The following GPAT3 variants were observed in gnomAD, a reference collection of about 807,000 sequenced individuals.
The protein encoded by GPAT3 is 1-AGP acyltransferase 9.
In GPAT3, 53 loss-of-function variants were observed where a neutral mutation model predicts 58.8. That is an observed-to-expected ratio of 0.90 (90% CI 0.72 to 1.13). The LOEUF (loss-of-function observed/expected upper bound fraction) is 1.13. GPAT3 is among the 50% of genes most tolerant of loss of function. The pLI, the probability that GPAT3 is intolerant of heterozygous loss-of-function variation, is 0.00. For missense variants in GPAT3, 511 were observed against 527.6 expected (o/e 0.97, Z 0.31); for synonymous variants, 197 against 187.4 (o/e 1.05, Z -0.42).
At chr4:83,581,944 G>A (rs1326777152) in intron 3 of GPAT3, 112 bp downstream of exon 3, 53 of 1,391,342 alleles carry the variant, frequency 3.8e-5, no homozygotes, top group Admixed American at 9.1e-5. Flanking sequence ...CCATTCCCAC[G>A]TAGGAAATGC....
chr4:83,562,179 TTATATATATATATATATATAA>T (rs1273391488), intron 2 of GPAT3, among the ~76,000 whole-genome samples: 1,293 of 86,146 alleles, frequency 0.015, 20 homozygotes, highest in Middle Eastern at 0.025. Context: ...ATTTTATATA[TTATATATATATATATATATAA>T]TATATATATA....
At chr4:83,568,355 A>G (rs1725480117) in intron 2 of GPAT3, among the ~76,000 whole-genome samples, 1 of 152,166 alleles carries the variant, frequency 6.6e-6, no homozygotes, top group Non-Finnish European at 1.5e-5. Context: ...CATGTATATT[A>G]AAGGTCATCA....
intron 3 of GPAT3, among the ~76,000 whole-genome samples, chr4:83,583,476 T>C (rs1726242782): frequency 6.6e-6 from 1 of 151,478 alleles, no homozygotes; most frequent in African/African-American, 2.4e-5. Context: ...TCGACTGGCC[T>C]GGACAACATG....
intron 2 of GPAT3, among the ~76,000 whole-genome samples, chr4:83,547,529 G>A (rs530653852): frequency 1.3e-5 from 2 of 152,140 alleles, no homozygotes; most frequent in African/African-American, 4.8e-5. Context: ...TGGGATTACA[G>A]GCGTGAGCTA....
rs1726373155 is a variant in GPAT3 at position 83,586,290 on chromosome 4, C to T, written c.480-965C>T. Among the ~76,000 whole-genome samples the T allele has an allele frequency of 2.0e-5, 3 of 152,066 alleles. No homozygotes were observed. The South Asian group carries it at 6.2e-4, about 32-fold the overall frequency. ...CGTGTCAGCAGTAAATGAGCTTCAC[C>T]CTGGAGAGGGTTACTGTTCCTGACC... On this transcript the variant is annotated intron_variant, in intron 3 of 11. Coordinates refer to ENST00000264409, the MANE Select transcript of GPAT3 (RefSeq NM_032717.5).
intron 2 of GPAT3, among the ~76,000 whole-genome samples, chr4:83,573,188 G>A (rs1725665802): frequency 6.6e-6 from 1 of 152,112 alleles, no homozygotes; most frequent in Non-Finnish European, 1.5e-5. Context: ...AGGCTGGAGT[G>A]CAGTGGCGTG....
At position 83,598,162 on chromosome 4, in the gene GPAT3, C is replaced by T. The variant is rs950153649; in HGVS notation, c.1108C>T (p.Pro370Ser). The T allele has an allele frequency of 1.5e-5, 24 of 1,612,372 alleles. No homozygotes were observed. Among genetic ancestry groups the T allele is most frequent in the African/African-American group, 4.0e-5 (3 of 74,746 alleles). Reference sequence around the variant, plus strand: ...CATCGTCTGTGACGTGTGGTACATGCCCCCCATGACCAGAGAGGTATTCCT... The same window carrying T: ...CATCGTCTGTGACGTGTGGTACATGTCCCCCATGACCAGAGAGGTATTCCT... ...WAIVCDVWYM[P>S]PMTREEGEDA... Residue 370 changes from proline to serine, a missense_variant, in exon 10 of 12, where the codon CCC (proline) becomes TCC (serine). Transcript: ENST00000264409.
At chr4:83,604,625 C>A in intron 11 of GPAT3, 43 bp from the exon 12 acceptor site, 2 of 1,500,720 alleles carry the variant, frequency 1.3e-6, no homozygotes, top group Non-Finnish European at 1.8e-6. Context: ...TTTTAAATCA[C>A]CGCTGTAAAG....
chr4:83,546,308 A>G (rs1724507385), intron 2 of GPAT3, among the ~76,000 whole-genome samples: 1 of 151,956 alleles, frequency 6.6e-6, no homozygotes, highest in Admixed American at 6.6e-5. Context: ...TAAAGGACAC[A>G]AAGTATTTCA....
upstream of GPAT3, chr4:83,536,026 A>T (rs1724064278): frequency 1.0e-6 from 1 of 985,314 alleles, no homozygotes; most frequent in Admixed American, 6.1e-5. Context: ...AAGTACTGCC[A>T]GGGAGCTCCC....
At chr4:83,592,516 G>A (rs545945564) in intron 6 of GPAT3, among the ~76,000 whole-genome samples, 2 of 152,246 alleles carry the variant, frequency 1.3e-5, no homozygotes, top group African/African-American at 2.4e-5. Context: ...ATATATATTT[G>A]TAGTATACAA....
rs925958774 is a variant in GPAT3 at position 83,598,124 on chromosome 4, T to C, written c.1070T>C (p.Met357Thr). The C allele has an allele frequency of 1.9e-6, 3 of 1,613,714 alleles. No individual in the cohort carries two copies. The highest frequency in any genetic ancestry group is 2.5e-6 in the Non-Finnish European group (3 of 1,179,914). ...ATGGTGAGCTACCTGCTTCGAATGA[T>C]GACCAGCTGGGCCATCGTCTGTGAC... ...YNMVSYLLRM[M>T]TSWAIVCDVW... is the part of the protein sequence containing the mutation. Residue 357 changes from methionine to threonine, a missense_variant, in exon 10 of 12, where the codon ATG (methionine) becomes ACG (threonine). Physicochemically the swap from Met to Thr is moderately conservative, Grantham distance 81. Transcript: ENST00000264409.
At chr4:83,598,843 A>G in intron 11 of GPAT3, 120 bp downstream of exon 11, 1 of 676,432 alleles carries the variant, frequency 1.5e-6, no homozygotes, top group East Asian at 3.0e-5. Flanking sequence ...ATCATAGTTC[A>G]CTGTAGCCTG....
chr4:83,581,670 CCATTGTAGAAGATGAAGTGA>C lies in GPAT3; in HGVS notation c.319_338del (p.Ile107ProfsTer79), dbSNP rs2110098084. The C allele has an allele frequency of 6.2e-7, 1 of 1,614,102 alleles. No individual in the cohort carries two copies. Among genetic ancestry groups the C allele is most frequent in the East Asian group, 2.2e-5 (1 of 44,886 alleles). ...TATTTCTCCAAGAAGGGATTGGAAG[CCATTGTAGAAGATGAAGTGA>C]CCCAGAGGTTTTCCTCAGAGGAGCT... On this transcript the variant is annotated frameshift_variant, in exon 3 of 12. Transcript: ENST00000264409. LOFTEE classifies it high-confidence loss of function.
chr4:83,603,846 T>C (rs1484420301), intron 11 of GPAT3, among the ~76,000 whole-genome samples: 1 of 151,624 alleles, frequency 6.6e-6, no homozygotes, highest in East Asian at 1.9e-4. Context: ...GATAGGGTTA[T>C]ATTTGAACAA....
chr4:83,581,410 T>G, intron 2 of GPAT3, 152 bp from the exon 3 acceptor site: 1 of 772,656 alleles, frequency 1.3e-6, no homozygotes. Context: ...CCCACTGCAA[T>G]TGTTTGTCTC....
chr4:83,565,162 G>T (rs555378286), intron 2 of GPAT3, among the ~76,000 whole-genome samples: 2 of 151,768 alleles, frequency 1.3e-5, no homozygotes, highest in Admixed American at 6.6e-5. Flanking sequence ...GCACAGTGGC[G>T]CAATCTCAAC....
At chr4:83,560,418 AT>A (rs11335835) in intron 2 of GPAT3, among the ~76,000 whole-genome samples, 6,852 of 149,786 alleles carry the variant, frequency 0.046, 525 homozygotes, top group African/African-American at 0.15. Context: ...TTTTGTTTGA[AT>A]TTTTTTTTTG....
chr4:83,599,361 A>C (rs1726970668), intron 11 of GPAT3, among the ~76,000 whole-genome samples: 1 of 152,180 alleles, frequency 6.6e-6, no homozygotes, highest in Non-Finnish European at 1.5e-5. Context: ...AATTTTAAAA[A>C]GGACACACCC....
Sources: gnomAD v4.1 joint callset for allele counts (sites outside exome capture counted in the v4.1 genomes callset) on GRCh38, gnomAD v4.1.1 for gene constraint, MANE v1.5 for transcripts, NCBI Gene and HGNC (gene_info 2026-07-23, HGNC 2026-07-21) for gene names.